Variants in LDLRAD4 observed in about 807,000 individuals in gnomAD.
LDLRAD4 encodes the protein low density lipoprotein receptor class A domain containing 4, also known as low-density lipoprotein receptor class A domain-containing protein 4.
A neutral mutation model predicts 17.0 loss-of-function variants in LDLRAD4; 5 were observed. The ratio of observed to expected loss-of-function variants is 0.29; its 90% CI spans 0.15 to 0.62. LDLRAD4 has a LOEUF of 0.62. Ranked by LOEUF, LDLRAD4 falls within the 20% of genes least tolerant of loss-of-function variation. The pLI is 0.84. For missense variants in LDLRAD4, 340 were observed against 424.7 expected, an observed-to-expected ratio of 0.80 and a Z score of 1.75; for synonymous variants, 168 against 171.8, an observed-to-expected ratio of 0.98 and a Z score of 0.17.
intron 3 of LDLRAD4, among the ~76,000 whole-genome samples, chr18:13,536,824 T>TGTTG (rs1480636705): frequency 4.6e-5 from 7 of 152,238 alleles, no homozygotes; most frequent in Admixed American, 1.3e-4. Flanking sequence ...TGGTAGTTTT[T>TGTTG]ACAATAAGTA....
At chr18:13,643,817 A>G (rs2042828881) in intron 5 of LDLRAD4, among the ~76,000 whole-genome samples, 1 of 152,244 alleles carries the variant, frequency 6.6e-6, no homozygotes, top group Non-Finnish European at 1.5e-5. Flanking sequence ...AGAGAAATCA[A>G]TATCTGTATG....
chr18:13,332,744 GTTT>G (rs34862768), intron 1 of LDLRAD4, among the ~76,000 whole-genome samples: 2 of 139,810 alleles, frequency 1.4e-5, no homozygotes, highest in Non-Finnish European at 1.6e-5. Context: ...CATTTTTTTT[GTTT>G]TTTTTTTTTG....
chr18:13,532,882 A>G (rs1326581446), intron 3 of LDLRAD4, among the ~76,000 whole-genome samples: 2 of 152,210 alleles, frequency 1.3e-5, no homozygotes, highest in African/African-American at 2.4e-5. Flanking sequence ...GCTGAGGGTC[A>G]GGGGCCCTGT....
At chr18:13,569,886 A>G (rs1376955907) in intron 3 of LDLRAD4, among the ~76,000 whole-genome samples, 2 of 152,238 alleles carry the variant, frequency 1.3e-5, no homozygotes, top group East Asian at 3.8e-4. Flanking sequence ...CTCTGTCTCA[A>G]AAAATAAATA....
In LDLRAD4 at chr18:13,621,862, G is replaced by A. The variant is rs920792675; in HGVS notation, c.336+591G>A. 2.0e-5 allele frequency among the ~76,000 whole-genome samples: 3 copies of A among 151,740 alleles called. No homozygotes were observed. The highest frequency in any genetic ancestry group is 4.4e-5 in the Non-Finnish European group (3 of 67,888). ...TTGTCGGCGGTGGGTTGTGGAGGGT[G>A]GGGTTGTGGAGGGTGGGGTTGTCGG... is the stretch of plus-strand genomic sequence containing the variant. On this transcript the variant is annotated intron_variant, in intron 4 of 5. Coordinates refer to ENST00000359446, the Ensembl canonical transcript of LDLRAD4. This position sits in a 1 kb window ranked among gnomAD's most constrained non-coding sequence, Gnocchi z 5.5.
intron 1 of LDLRAD4, among the ~76,000 whole-genome samples, chr18:13,380,312 C>T (rs181611931): frequency 3.9e-4 from 59 of 152,310 alleles, no homozygotes; most frequent in Admixed American, 1.1e-3. Flanking sequence ...CAGGTGTGCA[C>T]GGCTGTCTTC....
At chr18:13,376,794 C>T (rs958938805) in intron 1 of LDLRAD4, among the ~76,000 whole-genome samples, 2 of 152,194 alleles carry the variant, frequency 1.3e-5, no homozygotes, top group African/African-American at 4.8e-5. Context: ...GGTGCTTTCC[C>T]CATGAATAAC....
At chr18:13,316,835 T>C (rs995810630) in intron 1 of LDLRAD4, among the ~76,000 whole-genome samples, 2 of 152,012 alleles carry the variant, frequency 1.3e-5, no homozygotes, top group African/African-American at 4.8e-5. Flanking sequence ...AAGTACTCAG[T>C]GAATCCAAAA....
chr18:13,507,073 A>G (rs1479088784), intron 3 of LDLRAD4, among the ~76,000 whole-genome samples: 1 of 152,166 alleles, frequency 6.6e-6, no homozygotes, highest in African/African-American at 2.4e-5. Context: ...TCTGTGCCAC[A>G]TTTTGGCAAT....
chr18:13,329,635 A>T (rs918757519), intron 1 of LDLRAD4, among the ~76,000 whole-genome samples: 2 of 152,112 alleles, frequency 1.3e-5, no homozygotes, highest in Non-Finnish European at 2.9e-5. Flanking sequence ...TTAGAAAGTC[A>T]TTTTTTTCAA....
At chr18:13,453,062 G>A (rs1207764996) in intron 3 of LDLRAD4, among the ~76,000 whole-genome samples, 1 of 152,218 alleles carries the variant, frequency 6.6e-6, no homozygotes, top group Non-Finnish European at 1.5e-5. Flanking sequence ...GCACATGAGC[G>A]AGCGTGAGGT....
intron 1 of LDLRAD4, among the ~76,000 whole-genome samples, chr18:13,267,248 A>T (rs934495715): frequency 6.6e-6 from 1 of 152,230 alleles, no homozygotes; most frequent in Non-Finnish European, 1.5e-5. Flanking sequence ...CTTAAAAATT[A>T]TCAAAGTAAT....
At chr18:13,251,950 A>G (rs1454867007) in intron 1 of LDLRAD4, among the ~76,000 whole-genome samples, 1 of 152,230 alleles carries the variant, frequency 6.6e-6, no homozygotes, top group Admixed American at 6.5e-5. Flanking sequence ...AGTCATGGAT[A>G]TGGAAACTCA....
At chr18:13,310,183 C>CAAAAAAA (rs5823247) in intron 1 of LDLRAD4, among the ~76,000 whole-genome samples, 1 of 139,168 alleles carries the variant, frequency 7.2e-6, no homozygotes, top group Non-Finnish European at 1.5e-5. Context: ...CTGTCTCTAC[C>CAAAAAAA]AAAAAAAAAA....
chr18:13,218,519 C>G (rs1043360725), upstream of LDLRAD4, among the ~76,000 whole-genome samples: 2 of 152,156 alleles, frequency 1.3e-5, no homozygotes, highest in Non-Finnish European at 2.9e-5. Context: ...CGAGCCGTGG[C>G]GGGCAGGGAC....
intron 3 of LDLRAD4, among the ~76,000 whole-genome samples, chr18:13,524,810 C>T (rs2094005561): frequency 1.3e-5 from 2 of 152,210 alleles, no homozygotes; most frequent in Non-Finnish European, 2.9e-5. Context: ...CACATCAGAA[C>T]TAAGCCTACG....
chr18:13,315,783 T>TA (rs78099800), intron 1 of LDLRAD4, among the ~76,000 whole-genome samples: 5,152 of 85,804 alleles, frequency 0.06, 187 homozygotes, highest in African/African-American at 0.11. Flanking sequence ...AAACTCCGTC[T>TA]AAAAAAAAAA....
chr18:13,309,939 C>T (rs1387313699), intron 1 of LDLRAD4, among the ~76,000 whole-genome samples: 1 of 152,156 alleles, frequency 6.6e-6, no homozygotes, highest in African/African-American at 2.4e-5. Flanking sequence ...GGAACGATAG[C>T]GCAGTCTCTT....
chr18:13,277,089 G>C (rs2044922680), upstream of LDLRAD4, among the ~76,000 whole-genome samples: 1 of 152,172 alleles, frequency 6.6e-6, no homozygotes, highest in Admixed American at 6.5e-5. Context: ...GAGGTGTTTG[G>C]CTGGGGTAGA....
Sources: allele counts gnomAD v4.1 joint callset (sites outside exome capture counted in the v4.1 genomes callset), GRCh38; gene constraint gnomAD v4.1.1; non-coding constraint Gnocchi (gnomAD v3.1); transcripts MANE v1.5; gene names NCBI Gene and HGNC (gene_info 2026-07-23, HGNC 2026-07-21).